Variants in ZFHX3 observed in about 807,000 individuals in gnomAD.
ZFHX3 encodes the protein zinc finger homeobox 3.
ZFHX3 carries 42 observed loss-of-function variants against 279.1 expected under a neutral mutation model. The ratio of observed to expected loss-of-function variants is 0.15; its 90% confidence interval spans 0.12 to 0.19. ZFHX3 has a LOEUF of 0.19. ZFHX3 is among the 10% of genes least tolerant of loss of function. ZFHX3 has a pLI of 1.00. For missense variants in ZFHX3, 4,981 were observed against 4,754.0 expected (o/e 1.05, Z -1.40); for synonymous variants, 2,293 against 1,957.8 (o/e 1.17, Z -4.52).
chr16:73,701,109 G>C (rs1304693031), intron 1 of ZFHX3, among the ~76,000 whole-genome samples: 1 of 152,182 alleles, frequency 6.6e-6, no homozygotes, highest in Non-Finnish European at 1.5e-5. Context: ...GGGAGATGCA[G>C]AAGTTTAAAT....
At chr16:73,608,781 G>A (rs949416993) in intron 2 of ZFHX3, 1 of 152,046 alleles carries the variant, frequency 6.6e-6, no homozygotes, top group Admixed American at 6.6e-5. Flanking sequence ...TTGCTTAATA[G>A]CATCCAGATC....
At chr16:73,397,971 A>G (rs778712666) in intron 3 of ZFHX3, among the ~76,000 whole-genome samples, 9 of 152,122 alleles carry the variant, frequency 5.9e-5, no homozygotes, top group Non-Finnish European at 8.8e-5. Flanking sequence ...CAGCCTCCTG[A>G]GTAGCTGGGA....
intron 1 of ZFHX3, among the ~76,000 whole-genome samples, chr16:72,997,733 C>T (rs1348881076): frequency 1.3e-5 from 2 of 152,156 alleles, no homozygotes; most frequent in East Asian, 1.9e-4. Context: ...AATCCTTCAT[C>T]TAAAAGGGGA....
At chr16:73,172,225 C>T (rs1967545822) in intron 5 of ZFHX3, among the ~76,000 whole-genome samples, 1 of 152,218 alleles carries the variant, frequency 6.6e-6, no homozygotes, top group Admixed American at 6.5e-5. Flanking sequence ...GTCCGGCAGC[C>T]CCGGGGTGCA....
chr16:72,926,512 T>C (rs975272270), intron 3 of ZFHX3, among the ~76,000 whole-genome samples: 2 of 152,238 alleles, frequency 1.3e-5, no homozygotes, highest in Non-Finnish European at 2.9e-5. Context: ...CTTTCTCAAA[T>C]GAGCTGGAAG....
intron 1 of ZFHX3, among the ~76,000 whole-genome samples, chr16:73,730,877 A>T (rs2053564536): frequency 6.6e-6 from 1 of 151,864 alleles, no homozygotes; most frequent in South Asian, 2.1e-4. Context: ...CTCACAGGAG[A>T]CCCTGGGCTC....
At chr16:73,438,199 C>T (rs1048590248) in intron 3 of ZFHX3, among the ~76,000 whole-genome samples, 2 of 152,190 alleles carry the variant, frequency 1.3e-5, no homozygotes, top group African/African-American at 4.8e-5. Flanking sequence ...GCCTGCAACT[C>T]GTAGCTCCAG....
At chr16:73,017,483 A>G (rs147710119) in intron 1 of ZFHX3, among the ~76,000 whole-genome samples, 2,114 of 152,228 alleles carry the variant, frequency 0.014, 46 homozygotes, top group African/African-American at 0.048. Context: ...TCGCCAAGTC[A>G]TGAAAACTCT....
chr16:73,695,033 C>T (rs999425672), intron 1 of ZFHX3, among the ~76,000 whole-genome samples: 2 of 152,172 alleles, frequency 1.3e-5, no homozygotes, highest in Admixed American at 6.5e-5. Flanking sequence ...TGCTCAGAGG[C>T]ACAGCGCTGC....
At chr16:73,808,247 C>A (rs1310852031) in intron 1 of ZFHX3, among the ~76,000 whole-genome samples, 5 of 152,156 alleles carry the variant, frequency 3.3e-5, no homozygotes, top group African/African-American at 9.7e-5. Context: ...AAAACAACTT[C>A]TTTGTGAGAA....
chr16:73,399,784 C>T (rs774896799), intron 3 of ZFHX3, among the ~76,000 whole-genome samples: 1 of 151,252 alleles, frequency 6.6e-6, no homozygotes, highest in Non-Finnish European at 1.5e-5. Flanking sequence ...TATAACAGGG[C>T]CATCAAAAGT....
At chr16:73,514,706 C>G (rs1262903981) in intron 2 of ZFHX3, among the ~76,000 whole-genome samples, 2 of 152,166 alleles carry the variant, frequency 1.3e-5, no homozygotes, top group Admixed American at 1.3e-4. Context: ...ACCAAGGTCT[C>G]CTTGATCTGA....
chr16:73,880,281 G>A (rs1277318707), intron 1 of ZFHX3, among the ~76,000 whole-genome samples: 2 of 152,120 alleles, frequency 1.3e-5, no homozygotes, highest in Non-Finnish European at 2.9e-5. Context: ...ATGGGAGAGA[G>A]GGCTGCGGAG....
chr16:73,319,555 AG>A (rs1224643377), intron 3 of ZFHX3, among the ~76,000 whole-genome samples: 3 of 150,966 alleles, frequency 2.0e-5, no homozygotes, highest in Admixed American at 2.0e-4. Context: ...GAAGAAACTC[AG>A]GGGCGGGGGG....
intron 2 of ZFHX3, among the ~76,000 whole-genome samples, chr16:73,533,203 A>T (rs370923243): frequency 6.6e-6 from 1 of 151,812 alleles, no homozygotes; most frequent in Non-Finnish European, 1.5e-5. Context: ...CCTCTTCCCC[A>T]TCCTCACTTT....
chr16:73,463,589 G>A (rs950616715), intron 2 of ZFHX3, among the ~76,000 whole-genome samples: 14 of 151,984 alleles, frequency 9.2e-5, no homozygotes, highest in African/African-American at 2.4e-4. Flanking sequence ...TCTTTTCTCT[G>A]CTCATTGAGG....
intron 1 of ZFHX3, among the ~76,000 whole-genome samples, chr16:73,011,791 A>G (rs1963928958): frequency 6.6e-6 from 1 of 150,978 alleles, no homozygotes; most frequent in Admixed American, 6.6e-5. Context: ...CTCCCCCCAA[A>G]ATACTGGGAT....
chr16:72,933,602 A>G (rs865800393), intron 3 of ZFHX3, among the ~76,000 whole-genome samples: 5 of 152,048 alleles, frequency 3.3e-5, no homozygotes, highest in African/African-American at 1.2e-4. Context: ...TCTTTTATTC[A>G]TTCCAAAGTA....
intron 2 of ZFHX3, among the ~76,000 whole-genome samples, chr16:73,664,936 G>A (rs747365547): frequency 2.6e-5 from 4 of 152,116 alleles, no homozygotes; most frequent in Non-Finnish European, 5.9e-5. Context: ...AATATGTAAT[G>A]GGATAAACAT....
Sources: allele counts gnomAD v4.1 joint callset (sites outside exome capture counted in the v4.1 genomes callset), GRCh38; gene constraint gnomAD v4.1.1; transcripts MANE v1.5; gene names NCBI Gene and HGNC (gene_info 2026-07-23, HGNC 2026-07-21).